Variants in C1orf21 observed in about 807,000 individuals in gnomAD.
The protein encoded by C1orf21 is uncharacterized protein C1orf21.
C1orf21 carries 3 observed loss-of-function variants against 18.7 expected under a neutral mutation model. The ratio of observed to expected loss-of-function variants is 0.16; its 90% CI spans 0.07 to 0.42. C1orf21 has a LOEUF of 0.42. C1orf21 is among the 10% of genes least tolerant of loss of function. C1orf21 has a pLI of 0.99. For missense variants in C1orf21, 104 were observed against 143.6 expected, an observed-to-expected ratio of 0.72 and a Z score of 1.41; for synonymous variants, 41 against 46.4, an observed-to-expected ratio of 0.88 and a Z score of 0.47.
At chr1:184,406,185 G>A (rs1416643902) in intron 1 of C1orf21, among the ~76,000 whole-genome samples, 3 of 152,100 alleles carry the variant, frequency 2.0e-5, no homozygotes, top group African/African-American at 7.2e-5. Context: ...AGTTAAAAAT[G>A]AACTCAATAG....
intron 1 of C1orf21, among the ~76,000 whole-genome samples, chr1:184,416,386 A>G (rs1656451671): frequency 6.6e-6 from 1 of 152,210 alleles, no homozygotes; most frequent in South Asian, 2.1e-4. Flanking sequence ...AAGGCAGTTG[A>G]CAGAAATCAT....
chr1:184,618,643 C>CCT lies in C1orf21; in HGVS notation c.328-874_328-873insTC, dbSNP rs1553260167. 2.7e-5 allele frequency among the ~76,000 whole-genome samples: 4 copies of CCT among 147,428 alleles called. No homozygotes were observed. The East Asian group carries it at 8.3e-4, about 31-fold the overall frequency. On this transcript the variant is annotated intron_variant, in intron 5 of 5. Transcript: ENST00000235307. ...CTGCTTTTAAAAGAACATTCCCCCC[C>CCT]CCCAAGAAAAATGAAACATGTAGTG...
intron 1 of C1orf21, among the ~76,000 whole-genome samples, chr1:184,436,312 AAGTGCATTATGGTACT>A (rs1449378705): frequency 1.3e-5 from 2 of 152,124 alleles, no homozygotes; most frequent in Non-Finnish European, 2.9e-5. Flanking sequence ...TTTCTTTATG[AAGTGCATTATGGTACT>A]AGTCAAGAAG....
In C1orf21 at chr1:184,619,678, ATATTG is replaced by A; in HGVS notation, c.*125_*129del. On this transcript the variant is annotated 3_prime_UTR_variant, in exon 6 of 6. Coordinates refer to ENST00000235307, the MANE Select transcript of C1orf21 (RefSeq NM_030806.4). ...CACTATAGCAAAAGAAGATCGTTCC[ATATTG>A]TACGCCCCATTAAATTACAGTGTTT... 1.2e-6 allele frequency: 1 copy of A among 802,044 alleles called. No homozygotes were observed. The highest frequency in any genetic ancestry group is 2.0e-6 in the Non-Finnish European group (1 of 503,320). The allele number at this position is 802,044 out of a possible 1,614,324, so 49.7% of individuals were successfully genotyped here.
At chr1:184,513,519 AT>A (rs1658182109) in intron 3 of C1orf21, among the ~76,000 whole-genome samples, 1 of 152,246 alleles carries the variant, frequency 6.6e-6, no homozygotes, top group African/African-American at 2.4e-5. Context: ...AGAACAGTGG[AT>A]ACCCTCTTAA....
At chr1:184,576,179 C>T (rs1445997695) in intron 3 of C1orf21, among the ~76,000 whole-genome samples, 1 of 151,472 alleles carries the variant, frequency 6.6e-6, no homozygotes, top group Non-Finnish European at 1.5e-5. Context: ...GGCTGGAGTG[C>T]AGTAGTACAA....
chr1:184,453,155 G>A (rs1412165644), intron 1 of C1orf21, among the ~76,000 whole-genome samples: 5 of 152,170 alleles, frequency 3.3e-5, no homozygotes, highest in African/African-American at 1.2e-4. Flanking sequence ...GGGAGAGGAA[G>A]CCAGAGTTGT....
intron 1 of C1orf21, among the ~76,000 whole-genome samples, chr1:184,436,597 C>T (rs1157567718): frequency 2.0e-5 from 3 of 152,150 alleles, no homozygotes; most frequent in African/African-American, 7.2e-5. Flanking sequence ...TGTACTATGC[C>T]ACTTATTCCT....
chr1:184,511,839 G>GC (rs1394470264), intron 3 of C1orf21, among the ~76,000 whole-genome samples: 9 of 152,066 alleles, frequency 5.9e-5, no homozygotes, highest in African/African-American at 2.2e-4. Flanking sequence ...GGGGAGAAGA[G>GC]CCCCTTATAA....
chr1:184,422,802 A>T (rs980310251), intron 1 of C1orf21, among the ~76,000 whole-genome samples: 1 of 152,212 alleles, frequency 6.6e-6, no homozygotes, highest in African/African-American at 2.4e-5. Flanking sequence ...TCTATTTCAC[A>T]TGTTAGACAG....
Position 184,438,215 on chromosome 1 carries a change from T to C in C1orf21, c.-124-39171T>C, listed in dbSNP as rs762097404. On this transcript the variant is annotated intron_variant, in intron 1 of 5. Transcript: ENST00000235307. ...TCAAAAACAGACTTCTCCTTCCTGA[T>C]GAAGGTAATATAGAACTTAGCTCAA... 9.4e-4 allele frequency among the ~76,000 whole-genome samples: 143 copies of C among 152,204 alleles called. 7 individuals carry two copies. The highest frequency in any genetic ancestry group is 3.8e-4 in the Non-Finnish European group (26 of 68,030).
intron 1 of C1orf21, among the ~76,000 whole-genome samples, chr1:184,434,213 G>A (rs1455938764): frequency 9.2e-5 from 14 of 152,164 alleles, no homozygotes; most frequent in Admixed American, 6.6e-5. Context: ...AAACACTGGG[G>A]TAAAAGTATG....
chr1:184,561,611 G>GTTGT (rs369383431), intron 3 of C1orf21, among the ~76,000 whole-genome samples: 24 of 152,092 alleles, frequency 1.6e-4, no homozygotes, highest in African/African-American at 3.6e-4. Flanking sequence ...TGTTTCTAGG[G>GTTGT]TTGTTTGTTT....
chr1:184,587,391 T>A (rs1659370602), intron 3 of C1orf21, among the ~76,000 whole-genome samples: 1 of 152,068 alleles, frequency 6.6e-6, no homozygotes, highest in African/African-American at 2.4e-5. Context: ...ATGGCCTTTT[T>A]AACAATATTG....
At chr1:184,495,013 G>A (rs1657868904) in intron 2 of C1orf21, among the ~76,000 whole-genome samples, 1 of 152,180 alleles carries the variant, frequency 6.6e-6, no homozygotes. Flanking sequence ...AACCTCCTGG[G>A]ACTGCAGTTC....
chr1:184,521,803 G>A lies in C1orf21; in HGVS notation c.189+14121G>A, dbSNP rs141035385. On this transcript the variant is annotated intron_variant, in intron 3 of 5. Coordinates refer to ENST00000235307, the MANE Select transcript of C1orf21 (RefSeq NM_030806.4). ...CCTGGGGATCTCGGTATAGAATGCA[G>A]ACTGTGACAAAAGAGTCTAACAGTA... is the stretch of plus-strand genomic sequence containing the variant. Among the ~76,000 whole-genome samples, 360 of 152,208 alleles carry A rather than the reference G, an allele frequency of 2.4e-3. 3 individuals carry two copies. Among genetic ancestry groups the A allele is most frequent in the African/African-American group, 7.2e-3 (300 of 41,548 alleles).
chr1:184,545,843 C>G (rs1272785221), intron 3 of C1orf21: 3 of 152,124 alleles, frequency 2.0e-5, no homozygotes, highest in Non-Finnish European at 4.4e-5. Flanking sequence ...TTAAAACGCC[C>G]TTTATTCCCA....
intron 3 of C1orf21, among the ~76,000 whole-genome samples, chr1:184,586,374 CTG>C (rs1491287479): frequency 3.3e-5 from 5 of 151,774 alleles, no homozygotes; most frequent in Non-Finnish European, 4.4e-5. Flanking sequence ...GCTCCGCCCC[CTG>C]GGGTTCACGC....
chr1:184,586,574 C>T (rs547234747), intron 3 of C1orf21, among the ~76,000 whole-genome samples: 151 of 152,242 alleles, frequency 9.9e-4, no homozygotes, highest in African/African-American at 3.4e-3. Flanking sequence ...TGAGCCACCG[C>T]GCCCGGCCTT....
Sources: gnomAD v4.1 joint callset for allele counts (sites outside exome capture counted in the v4.1 genomes callset) on GRCh38, gnomAD v4.1.1 for gene constraint, MANE v1.5 for transcripts, NCBI Gene and HGNC (gene_info 2026-07-23, HGNC 2026-07-21) for gene names.